The following ANK2 variants were observed in gnomAD, a reference collection of about 807,000 sequenced individuals.
ANK2 encodes the protein ankyrin 2.
Under a neutral mutation model 360.5 loss-of-function variants are expected in ANK2, and 83 were observed. That is an observed-to-expected ratio of 0.23 (90% CI 0.19 to 0.28). The LOEUF (loss-of-function observed/expected upper bound fraction) is 0.28. ANK2 is among the 10% of genes least tolerant of loss of function. The probability of loss-of-function intolerance (pLI) is 1.00; values close to 1 mark genes in which losing one functional copy is unlikely to be tolerated. For missense variants in ANK2, 4,201 were observed against 4,795.7 expected, an observed-to-expected ratio of 0.88 and a Z score of 3.66; for synonymous variants, 1,740 against 1,759.5, an observed-to-expected ratio of 0.99 and a Z score of 0.28.
chr4:113,022,939 A>T (rs910203566), intron 2 of ANK2, among the ~76,000 whole-genome samples: 6 of 152,026 alleles, frequency 3.9e-5, no homozygotes, highest in African/African-American at 1.4e-4. Flanking sequence ...TTTTTTTTTT[A>T]AATTGCACAC....
intron 2 of ANK2, among the ~76,000 whole-genome samples, chr4:112,921,934 T>A (rs965333967): frequency 1.3e-5 from 2 of 152,244 alleles, no homozygotes; most frequent in African/African-American, 4.8e-5. Context: ...CTGATGCTGG[T>A]AACCAGCTCC....
chr4:112,745,530 T>TG, the ANK2 span, among the ~76,000 whole-genome samples: 1 of 108,690 alleles, frequency 9.2e-6, no homozygotes, highest in East Asian at 3.9e-4. Flanking sequence ...AAGTACTAGA[T>TG]CTTTTTTTTT....
At chr4:113,327,380 C>T (rs890771319) in intron 26 of ANK2, among the ~76,000 whole-genome samples, 12 of 152,168 alleles carry the variant, frequency 7.9e-5, no homozygotes, top group Non-Finnish European at 2.9e-5. Context: ...TCAGGAGAGT[C>T]GTTCCCAACT....
At chr4:112,814,606 C>T (rs969072556), upstream of ANK2, among the ~76,000 whole-genome samples, 2 of 152,094 alleles carry the variant, frequency 1.3e-5, no homozygotes, top group Admixed American at 1.3e-4. Flanking sequence ...TACCACCACT[C>T]CAGGCTAATT....
intron 2 of ANK2, among the ~76,000 whole-genome samples, chr4:113,186,803 C>T (rs754355312): frequency 2.0e-5 from 3 of 152,070 alleles, no homozygotes; most frequent in Non-Finnish European, 4.4e-5. Context: ...GAAGAGAATT[C>T]GTCAGAATTA....
intron 21 of ANK2, chr4:113,292,848 T>TA (rs1288579449): frequency 2.5e-6 from 1 of 398,234 alleles, no homozygotes; most frequent in African/African-American, 2.1e-5. Flanking sequence ...GGGAGCACAG[T>TA]AAGGGAGCTG....
the ANK2 span, among the ~76,000 whole-genome samples, chr4:112,770,666 A>G: frequency 0.087 from 13,207 of 151,200 alleles, 775 homozygotes; most frequent in African/African-American, 0.16. Context: ...AGATTGTGCT[A>G]TTGTACTCCA....
chr4:113,197,633 A>C (rs2098768159), intron 3 of ANK2, among the ~76,000 whole-genome samples: 1 of 152,214 alleles, frequency 6.6e-6, no homozygotes, highest in African/African-American at 2.4e-5. Flanking sequence ...GTTAACGTGG[A>C]TTTCCAATGC....
At position 112,942,768 on chromosome 4, in the gene ANK2, T is replaced by A. The variant is rs373280157; in HGVS notation, c.21+38254T>A. Among the ~76,000 whole-genome samples, 17 of 152,134 alleles carry A rather than the reference T, an allele frequency of 1.1e-4. 1 individual carries two copies. In the East Asian group the frequency reaches 3.3e-3, roughly 29 times the overall value. ...TATAATTTCGCAAATAAGTAAGTTTTATTTGTATCGACTTTAGTCTTATAT... is the reference window on the plus strand; with the variant it reads ...TATAATTTCGCAAATAAGTAAGTTTAATTTGTATCGACTTTAGTCTTATAT... On this transcript the variant is annotated intron_variant, in intron 2 of 30. Coordinates refer to the ANK2 transcript ENST00000503271.
intron 1 of ANK2, among the ~76,000 whole-genome samples, chr4:113,060,472 G>A (rs1041118534): frequency 1.1e-4 from 16 of 151,968 alleles, no homozygotes; most frequent in African/African-American, 3.4e-4. Flanking sequence ...CTTCCTGCTT[G>A]AATCTACATA....
chr4:112,885,992 C>A (rs2078261760), intron 1 of ANK2, among the ~76,000 whole-genome samples: 1 of 151,992 alleles, frequency 6.6e-6, no homozygotes, highest in Non-Finnish European at 1.5e-5. Flanking sequence ...GGAAGTGGAG[C>A]CTCTGCAGAG....
chr4:112,792,082 C>T, the ANK2 span, among the ~76,000 whole-genome samples: 2 of 137,362 alleles, frequency 1.5e-5, no homozygotes, highest in South Asian at 2.3e-4. Flanking sequence ...GCTCTTGTTG[C>T]CCAGGCTGGA....
the ANK2 span, chr4:112,755,956 T>C: frequency 6.6e-6 from 1 of 152,016 alleles, no homozygotes; most frequent in Non-Finnish European, 1.5e-5. Context: ...GACACAGTCA[T>C]TGGCCGGGCG....
chr4:112,823,072 T>C (rs1207108565), intron 1 of ANK2, among the ~76,000 whole-genome samples: 2 of 152,226 alleles, frequency 1.3e-5, no homozygotes, highest in African/African-American at 2.4e-5. Flanking sequence ...CACATGTGAA[T>C]AAATGTCATA....
intron 1 of ANK2, among the ~76,000 whole-genome samples, chr4:112,902,080 G>A (rs1297397002): frequency 6.6e-6 from 1 of 152,118 alleles, no homozygotes; most frequent in Non-Finnish European, 1.5e-5. Context: ...CACTTAAATT[G>A]CTCTTGAGTT....
intron 2 of ANK2, among the ~76,000 whole-genome samples, chr4:113,195,653 C>T (rs969695662): frequency 6.6e-6 from 1 of 152,192 alleles, no homozygotes; most frequent in Non-Finnish European, 1.5e-5. Flanking sequence ...GCTAAACTGT[C>T]ACTTTATTTC....
chr4:112,937,410 C>G (rs982836558), intron 2 of ANK2, among the ~76,000 whole-genome samples: 1 of 151,640 alleles, frequency 6.6e-6, no homozygotes, highest in African/African-American at 2.4e-5. Context: ...CACTGCAACC[C>G]TCTGCCTCCT....
intron 5 of ANK2, among the ~76,000 whole-genome samples, chr4:113,233,717 C>T (rs754779239): frequency 2.6e-5 from 4 of 151,720 alleles, no homozygotes; most frequent in Non-Finnish European, 5.9e-5. Context: ...AGCTTATTCT[C>T]GTTAGTTAAA....
rs928254105 is a variant in ANK2 at position 113,006,282 on chromosome 4, C to T, written c.21+101768C>T. 3.8e-4 allele frequency among the ~76,000 whole-genome samples: 58 copies of T among 152,050 alleles called. 1 individual carries two copies. The highest frequency in any genetic ancestry group is 3.7e-3 in the Admixed American group (57 of 15,262). On this transcript the variant is annotated intron_variant, in intron 2 of 30. Transcript: ENST00000503271. The stretch of plus-strand genomic sequence containing the variant: ...TACAAACACATCTACCTCATAAATA[C>T]ATAAATTATTATATATCAATAAAAG...
Sources: allele counts gnomAD v4.1 joint callset (sites outside exome capture counted in the v4.1 genomes callset), GRCh38; gene constraint gnomAD v4.1.1; transcripts MANE v1.5; gene names NCBI Gene and HGNC (gene_info 2026-07-23, HGNC 2026-07-21).